SLC25A40: variants seen among roughly 807,000 people sequenced by gnomAD.
SLC25A40 encodes the protein mitochondrial glutathione transporter SLC25A40.
SLC25A40 carries 41 observed loss-of-function variants against 46.5 expected under a neutral mutation model. The ratio of observed to expected loss-of-function variants is 0.88; its 90% CI spans 0.69 to 1.14. The LOEUF (loss-of-function observed/expected upper bound fraction) is 1.14. Among genes scored for constraint, SLC25A40 ranks in the 50% most tolerant of loss-of-function variants. The pLI is 0.00. For missense variants in SLC25A40, 386 were observed against 393.6 expected (o/e 0.98, Z 0.16); for synonymous variants, 126 against 127.5 (o/e 0.99, Z 0.08).
At chr7:87,856,260 C>T in intron 4 of SLC25A40, 32 bp downstream of exon 4, 1 of 1,465,942 alleles carries the variant, frequency 6.8e-7, no homozygotes, top group Non-Finnish European at 9.2e-7. Context: ...AAAAATCAAA[C>T]ATAACATTTT....
intron 1 of SLC25A40, among the ~76,000 whole-genome samples, chr7:87,863,703 C>T (rs760188849): frequency 6.6e-6 from 1 of 151,180 alleles, no homozygotes; most frequent in African/African-American, 2.4e-5. Flanking sequence ...AACCATTTAT[C>T]TTTTATTTAT....
intron 5 of SLC25A40, 54 bp from the exon 6 acceptor site, chr7:87,850,002 C>A: frequency 8.7e-7 from 1 of 1,150,064 alleles, no homozygotes; most frequent in Non-Finnish European, 1.2e-6. Flanking sequence ...ACCTTTTATA[C>A]AAAAATTTAT....
At chr7:87,836,434 C>T in intron 11 of SLC25A40, 73 bp from the exon 12 acceptor site, 1 of 978,298 alleles carries the variant, frequency 1.0e-6, no homozygotes, top group Non-Finnish European at 1.4e-6. Context: ...TATTTTTTGG[C>T]TTTATTCTGA....
chr7:87,869,061 G>C (rs529175628), intron 1 of SLC25A40, among the ~76,000 whole-genome samples: 1 of 152,168 alleles, frequency 6.6e-6, no homozygotes, highest in South Asian at 2.1e-4. Context: ...CACAATATCA[G>C]ACCATCTGCT....
rs1326256332 is a variant in SLC25A40 at position 87,834,525 on chromosome 7, A to G, written c.*1724T>C. On this transcript the variant is annotated 3_prime_UTR_variant, in exon 12 of 12. Transcript: ENST00000341119. The stretch of plus-strand genomic sequence containing the variant: ...TAGATTTACTTATCTTACTTTATTC[A>G]TAAATAAGAATTTTCCTAAGTGCAG... 2 of 151,690 alleles carry G rather than the reference A, an allele frequency of 1.3e-5. No homozygotes were observed. Among genetic ancestry groups the G allele is most frequent in the African/African-American group, 2.4e-5 (1 of 41,374 alleles). 9.4% of individuals were successfully genotyped at this position (151,690 alleles called of 1,614,324 possible). A position where few individuals can be genotyped will look rare whatever the true frequency, so the allele number is the denominator to read the frequency against.
At chr7:87,875,846 C>T (rs891961047) in intron 1 of SLC25A40, among the ~76,000 whole-genome samples, 10 of 152,164 alleles carry the variant, frequency 6.6e-5, no homozygotes, top group Non-Finnish European at 1.2e-4. Context: ...CCCTCAGACG[C>T]CCCCCGGGGC....
At chr7:87,847,671 T>C (rs1838441937) in intron 7 of SLC25A40, among the ~76,000 whole-genome samples, 182 bp downstream of exon 7, 1 of 152,216 alleles carries the variant, frequency 6.6e-6, no homozygotes. Context: ...CTCATTCTGA[T>C]GGTAATCACC....
intron 1 of SLC25A40, among the ~76,000 whole-genome samples, chr7:87,869,652 C>A (rs542471192): frequency 2.0e-5 from 3 of 152,098 alleles, no homozygotes; most frequent in South Asian, 4.1e-4. Flanking sequence ...CATTTTATTA[C>A]ATGCATTGAT....
At chr7:87,871,169 CG>C (rs1838890487) in intron 1 of SLC25A40, among the ~76,000 whole-genome samples, 1 of 152,164 alleles carries the variant, frequency 6.6e-6, no homozygotes, top group Non-Finnish European at 1.5e-5. Flanking sequence ...TTGCCCCTGC[CG>C]GTGCTCATGC....
Position 87,863,764 on chromosome 7 carries a change from T to G in SLC25A40, c.-93-3124A>C, listed in dbSNP as rs138393451. Reference sequence around the variant, plus strand: ...AGTTATTTTGAAATGTACAACAGATTATTAAGTATGCTTACTCAACGATCA... The same window carrying G: ...AGTTATTTTGAAATGTACAACAGATGATTAAGTATGCTTACTCAACGATCA... On this transcript the variant is annotated intron_variant, in intron 1 of 11. Coordinates refer to ENST00000341119, the MANE Select transcript of SLC25A40 (RefSeq NM_018843.4). Among the ~76,000 whole-genome samples the G allele has an allele frequency of 8.8e-3, 1,343 of 152,238 alleles. 9 individuals carry two copies. The highest frequency in any genetic ancestry group is 0.014 in the Admixed American group (221 of 15,290).
chr7:87,851,636 A>G (rs1363818209), intron 5 of SLC25A40, among the ~76,000 whole-genome samples: 2 of 152,180 alleles, frequency 1.3e-5, no homozygotes, highest in African/African-American at 2.4e-5. Flanking sequence ...ACCCCACTAC[A>G]CCGTCAGTGG....
At chr7:87,873,287 G>A (rs1838922611) in intron 1 of SLC25A40, among the ~76,000 whole-genome samples, 1 of 152,010 alleles carries the variant, frequency 6.6e-6, no homozygotes, top group African/African-American at 2.4e-5. Flanking sequence ...CTAGATTCTA[G>A]AACAAAAAAT....
chr7:87,839,927 A>C (rs973955678), intron 10 of SLC25A40, among the ~76,000 whole-genome samples: 9 of 151,808 alleles, frequency 5.9e-5, no homozygotes, highest in African/African-American at 1.9e-4. Context: ...GCTGTGGAAC[A>C]AAGGAAGTCA....
intron 1 of SLC25A40, among the ~76,000 whole-genome samples, chr7:87,867,835 G>C (rs1403901551): frequency 6.6e-6 from 1 of 152,204 alleles, no homozygotes; most frequent in Non-Finnish European, 1.5e-5. Flanking sequence ...GATTGTCTCA[G>C]CTTTAGTAAG....
Position 87,856,352 on chromosome 7 carries a change from C to T in SLC25A40, c.98-1G>A, listed in dbSNP as rs775585905. The T allele has an allele frequency of 4.3e-6, 7 of 1,612,760 alleles. No individual in the cohort carries two copies. Among genetic ancestry groups the T allele is most frequent in the East Asian group, 4.5e-5 (2 of 44,792 alleles). ...ATTTTAACAACATCCAGGGGTGTCA[C>T]TATGAAGATATGTTAAGTTTCAATT... On this transcript the variant is annotated splice_acceptor_variant, in intron 3 of 11. Transcript: ENST00000341119. LOFTEE classifies it high-confidence loss of function.
Position 87,836,360 on chromosome 7 carries a change from G to A in SLC25A40, c.906C>T (p.Gly302=). 1 of 1,511,560 alleles carries A rather than the reference G, an allele frequency of 6.6e-7. No individual in the cohort carries two copies. Among genetic ancestry groups the A allele is most frequent in the Non-Finnish European group, 8.8e-7 (1 of 1,131,564 alleles). The allele number at this position is 1,511,560 out of a possible 1,614,324, so 93.6% of individuals were successfully genotyped here. A position where few individuals can be genotyped will look rare whatever the true frequency, so the allele number is the denominator to read the frequency against. The change falls in exon 12 of 12, where the codon GGC becomes GGT. Residue 302 remains glycine (G), a splice_region_variant and synonymous_variant. Coordinates refer to ENST00000341119, the MANE Select transcript of SLC25A40 (RefSeq NM_018843.4). ...CAATTTTAATTAAGCGAGGAATTAGGCCTGAGAAAAGAATAGGAATAATCA... is the reference window on the plus strand; with the variant it reads ...CAATTTTAATTAAGCGAGGAATTAGACCTGAGAAAAGAATAGGAATAATCA... ...AKNGFSGLFS[G]LIPRLIKIAP... is the part of the protein sequence containing the mutation.
At chr7:87,853,561 A>T (rs538272816) in intron 5 of SLC25A40, among the ~76,000 whole-genome samples, 2 of 152,240 alleles carry the variant, frequency 1.3e-5, no homozygotes, top group East Asian at 3.9e-4. Context: ...AATAAACTGT[A>T]TTATATCTAC....
intron 1 of SLC25A40, among the ~76,000 whole-genome samples, chr7:87,869,587 T>A (rs1244639629): frequency 6.6e-6 from 1 of 152,070 alleles, no homozygotes; most frequent in African/African-American, 2.4e-5. Flanking sequence ...CTATTTCAGT[T>A]CGTACCCCCT....
intron 1 of SLC25A40, among the ~76,000 whole-genome samples, chr7:87,870,741 G>T (rs1562751491): frequency 6.6e-6 from 1 of 152,098 alleles, no homozygotes; most frequent in Non-Finnish European, 1.5e-5. Flanking sequence ...GGGGACGGCC[G>T]GACCTTAGGG....
Sources: allele counts gnomAD v4.1 joint callset (sites outside exome capture counted in the v4.1 genomes callset), GRCh38; gene constraint gnomAD v4.1.1; transcripts MANE v1.5; gene names NCBI Gene and HGNC (gene_info 2026-07-23, HGNC 2026-07-21).